The following PCDHGB4 variants were observed in gnomAD, a reference collection of about 807,000 sequenced individuals.
PCDHGB4 encodes the protein protocadherin gamma-B4.
PCDHGB4 carries 38 observed loss-of-function variants against 60.5 expected under a neutral mutation model. The ratio of observed to expected loss-of-function variants is 0.63; its 90% CI spans 0.48 to 0.82. The LOEUF (loss-of-function observed/expected upper bound fraction) is 0.82. Among genes scored for constraint, PCDHGB4 ranks in the 40% least tolerant of loss-of-function variants. The pLI, the probability that PCDHGB4 is intolerant of heterozygous loss-of-function variation, is 0.00. For missense variants in PCDHGB4, 1,109 were observed against 1,209.6 expected (o/e 0.92, Z 1.23); for synonymous variants, 456 against 509.7 (o/e 0.89, Z 1.42).
intron 2 of PCDHGB4, among the ~76,000 whole-genome samples, chr5:141,503,091 G>A (rs2099818095): frequency 6.6e-6 from 1 of 151,808 alleles, no homozygotes; most frequent in African/African-American, 2.4e-5. Flanking sequence ...CTGACCTCGT[G>A]GTCTGCCCGC....
chr5:141,508,507 TGGTCCAGCCCAACCTCAG>T (rs1377043623), intron 3 of PCDHGB4, among the ~76,000 whole-genome samples: 1 of 152,178 alleles, frequency 6.6e-6, no homozygotes, highest in Non-Finnish European at 1.5e-5. Flanking sequence ...CTCTCCCTCC[TGGTCCAGCCCAACCTCAG>T]GGCACCCCCC....
chr5:141,457,441 G>A (rs941085406), intron 1 of PCDHGB4, among the ~76,000 whole-genome samples: 1 of 152,134 alleles, frequency 6.6e-6, no homozygotes, highest in African/African-American at 2.4e-5. Flanking sequence ...CCAAGCTGCA[G>A]AAGATCACCA....
At chr5:141,507,896 G>A (rs1457319438) in intron 3 of PCDHGB4, among the ~76,000 whole-genome samples, 1 of 152,210 alleles carries the variant, frequency 6.6e-6, no homozygotes, top group African/African-American at 2.4e-5. Flanking sequence ...GGTTCCTGAA[G>A]TCCAGCCCAG....
chr5:141,409,912 C>T (rs775668669), intron 1 of PCDHGB4: 5 of 1,613,180 alleles, frequency 3.1e-6, no homozygotes, highest in Non-Finnish European at 2.5e-6. Context: ...TGGGTCCTGA[C>T]GGCTCCGCGT....
chr5:141,468,847 C>T (rs2099182933), intron 1 of PCDHGB4, among the ~76,000 whole-genome samples: 1 of 151,986 alleles, frequency 6.6e-6, no homozygotes, highest in African/African-American at 2.4e-5. Flanking sequence ...GCCTGGGCAA[C>T]AGAGCGAGAC....
rs2091854728 is a variant in PCDHGB4 at position 141,389,644 on chromosome 5, C to T, written c.1760C>T (p.Thr587Ile). The T allele has an allele frequency of 6.2e-7, 1 of 1,612,926 alleles. No homozygotes were observed. The highest frequency in any genetic ancestry group is 1.7e-5 in the Admixed American group (1 of 60,032). Residue 587 changes from threonine to isoleucine, a missense_variant, in exon 1 of 4, where the codon ACC becomes ATC. Physicochemically the swap from Thr to Ile is moderately conservative, Grantham distance 89. Around this residue, in one of 2 missense-constraint regions of PCDHGB4, gnomAD observed 1,068 missense variants for 1,089.9 expected, o/e 0.98. Transcript: ENST00000519479. ...GCTGCAGAGCCTGGCTACTTGGTGA[C>T]CAAGGTAGTGGCGGTGGACGCAGAC... ...PHAAEPGYLV[T>I]KVVAVDADSG...
chr5:141,465,629 C>A (rs1048373153), intron 1 of PCDHGB4, among the ~76,000 whole-genome samples: 1 of 152,204 alleles, frequency 6.6e-6, no homozygotes, highest in Non-Finnish European at 1.5e-5. Flanking sequence ...AGTCAACCAG[C>A]AAAATGCTTT....
At chr5:141,502,288 G>C (rs2099813700) in intron 2 of PCDHGB4, among the ~76,000 whole-genome samples, 1 of 151,338 alleles carries the variant, frequency 6.6e-6, no homozygotes, top group African/African-American at 2.5e-5. Flanking sequence ...ATTGCATTTG[G>C]TTGTCACGTC....
intron 1 of PCDHGB4, chr5:141,412,993 G>T (rs1401025160): frequency 1.2e-5 from 7 of 574,186 alleles, no homozygotes; most frequent in Non-Finnish European, 1.8e-5. Context: ...GCTCAATCCG[G>T]ATTCTCAGGG....
Position 141,432,124 on chromosome 5 carries a change from C to G in PCDHGB4, c.2397+41843C>G, listed in dbSNP as rs1286909667. On this transcript the variant is annotated intron_variant, in intron 1 of 3. Transcript: ENST00000519479. The surrounding 1 kb of genome is among the most constrained non-coding windows in gnomAD (Gnocchi z 6.0). ...ACAACCCGCCGGTCTTCCCTCAGGC[C>G]TCCTATTCCGCTTATATCCCAGAGA... 6.2e-7 allele frequency: 1 copy of G among 1,614,156 alleles called. No homozygotes were observed. The highest frequency in any genetic ancestry group is 1.1e-5 in the South Asian group (1 of 91,066).
chr5:141,413,739 C>A (rs748041372), intron 1 of PCDHGB4: 1 of 1,613,424 alleles, frequency 6.2e-7, no homozygotes, highest in South Asian at 1.1e-5. Context: ...GAGTTCAGAG[C>A]CGTGCCAATG....
rs1454432396 is a variant in PCDHGB4 at position 141,388,086 on chromosome 5, G to T, written c.202G>T (p.Val68Phe). 2.9e-6 allele frequency: 4 copies of T among 1,368,264 alleles called. No individual in the cohort carries two copies. Among genetic ancestry groups the T allele is most frequent in the Admixed American group, 2.0e-5 (1 of 48,944 alleles). The allele number at this position is 1,368,264 out of a possible 1,614,324, so 84.8% of individuals were successfully genotyped here. The change falls in exon 1 of 4, where the codon GTC becomes TTC. Residue 68 changes from valine to phenylalanine, a missense_variant. By Grantham distance (50) the Val-to-Phe change is conservative. This residue lies in a region of PCDHGB4 where 41 missense variants were observed against 119.7 expected (regional missense o/e 0.34). Coordinates refer to ENST00000519479, the MANE Select transcript of PCDHGB4 (RefSeq NM_003736.4). ...GGAGTTACCGACTCGAAAACTGCGCGTCAGTTCGGAGAAGCCTTACTTCAC... is the reference window on the plus strand; with the variant it reads ...GGAGTTACCGACTCGAAAACTGCGCTTCAGTTCGGAGAAGCCTTACTTCAC... ...VQELPTRKLR[V>F]SSEKPYFTVS...
Position 141,431,948 on chromosome 5 carries a change from T to G in PCDHGB4, c.2397+41667T>G. ...AAATCTGCCCTTTAAATTAGAAAAA[T>G]CTTACGGAAATTACTATAGTTTAGT... is the stretch of plus-strand genomic sequence containing the variant. On this transcript the variant is annotated intron_variant, in intron 1 of 3. Transcript: ENST00000519479. The surrounding 1 kb of genome is among the most constrained non-coding windows in gnomAD (Gnocchi z 4.8). The G allele has an allele frequency of 6.2e-7, 1 of 1,614,076 alleles. No homozygotes were observed. The highest frequency in any genetic ancestry group is 8.5e-7 in the Non-Finnish European group (1 of 1,180,006).
At position 141,491,681 on chromosome 5, in the gene PCDHGB4, C is replaced by T; in HGVS notation, c.2398-3126C>T. 6.2e-6 allele frequency: 10 copies of T among 1,613,458 alleles called. No homozygotes were observed. Among genetic ancestry groups the T allele is most frequent in the Non-Finnish European group, 8.5e-6 (10 of 1,179,804 alleles). On this transcript the variant is annotated intron_variant, in intron 1 of 3. Transcript: ENST00000519479. The surrounding 1 kb of genome is among the most constrained non-coding windows in gnomAD (Gnocchi z 6.9). ...GACGCCATCCGGTCCCGCTCTAATA[C>T]GCTGCGGGAGCGGAGCCAGGTGAGG...
chr5:141,413,989 G>C, intron 1 of PCDHGB4: 1 of 1,613,400 alleles, frequency 6.2e-7, no homozygotes, highest in East Asian at 2.2e-5. Context: ...CACAGCCACC[G>C]ACAGGGACGA....
chr5:141,393,315 C>A, intron 1 of PCDHGB4: 1 of 1,613,104 alleles, frequency 6.2e-7, no homozygotes. Flanking sequence ...GAACTCCCTC[C>A]AGAGCTACCA....
At chr5:141,429,037 G>A (rs1404164429) in intron 1 of PCDHGB4, 1 of 152,054 alleles carries the variant, frequency 6.6e-6, no homozygotes, top group African/African-American at 2.4e-5. Flanking sequence ...TGCATTTTTA[G>A]TACAGACGGG....
At chr5:141,506,240 G>A (rs918820495) in intron 3 of PCDHGB4, among the ~76,000 whole-genome samples, 8 of 152,184 alleles carry the variant, frequency 5.3e-5, no homozygotes, top group Middle Eastern at 3.4e-3. Flanking sequence ...CATGAGGTCA[G>A]GAGTTCGAAA....
chr5:141,476,062 A>G lies in PCDHGB4; in HGVS notation c.2398-18745A>G, dbSNP rs2099384587. On this transcript the variant is annotated intron_variant, in intron 1 of 3. Coordinates refer to ENST00000519479, the MANE Select transcript of PCDHGB4 (RefSeq NM_003736.4). This position sits in a 1 kb window ranked among gnomAD's most constrained non-coding sequence, Gnocchi z 7.6. ...AGCGCTAACCCGCTGAAAGTTTCTC[A>G]GCGAAATCTCAGGGACGATCTGGAC... The G allele has an allele frequency of 1.8e-5, 27 of 1,509,766 alleles. No individual in the cohort carries two copies. Among genetic ancestry groups the G allele is most frequent in the Non-Finnish European group, 2.3e-5 (26 of 1,136,920 alleles). The allele number at this position is 1,509,766 out of a possible 1,614,324, so 93.5% of individuals were successfully genotyped here.
Sources: gnomAD v4.1 joint callset for allele counts (sites outside exome capture counted in the v4.1 genomes callset) on GRCh38, gnomAD v4.1.1 for gene constraint, gnomAD v4.1.1 regional missense constraint, Gnocchi (gnomAD v3.1) non-coding constraint, MANE v1.5 for transcripts, NCBI Gene and HGNC (gene_info 2026-07-23, HGNC 2026-07-21) for gene names.